Variants in UPK3A observed in about 807,000 individuals in gnomAD.
UPK3A encodes the protein uroplakin 3A.
Under a neutral mutation model 27.6 loss-of-function variants are expected in UPK3A, and 32 were observed. The observed-to-expected ratio is 1.16, with a 90% CI of 0.87 to 1.55. The LOEUF (loss-of-function observed/expected upper bound fraction) is 1.55, where lower values mean the gene tolerates loss of function less well. UPK3A is among the 40% of genes most tolerant of loss of function. The pLI, the probability that UPK3A is intolerant of heterozygous loss-of-function variation, is 0.00. For synonymous variants in UPK3A, 171 were observed against 163.9 expected (o/e 1.04, Z -0.33); for missense variants, 370 against 367.9 (o/e 1.01, Z -0.05).
At chr22:45,285,863 C>G (rs374976656) in intron 1 of UPK3A, 78 bp from the exon 2 acceptor site, 1 of 1,599,550 alleles carries the variant, frequency 6.3e-7, no homozygotes, top group East Asian at 2.2e-5. Context: ...GCACACAACA[C>G]GTGCTCAGTA....
intron 2 of UPK3A, 72 bp downstream of exon 2, chr22:45,286,168 C>T (rs1406907793): frequency 8.2e-6 from 13 of 1,586,752 alleles, no homozygotes; most frequent in Non-Finnish European, 7.7e-6. Flanking sequence ...GGGAAGGAGG[C>T]AGATAGAGGA....
Position 45,293,323 on chromosome 22 carries a change from T to G in UPK3A, c.704+10T>G. The G allele has an allele frequency of 6.2e-7, 1 of 1,613,670 alleles. No homozygotes were observed. Among genetic ancestry groups the G allele is most frequent in the Non-Finnish European group, 8.5e-7 (1 of 1,180,022 alleles). ...TTGCCCTCAGCCTCGTGTAAGTACC[T>G]GCCTGCTGGGAGGGCTGGACCCCAG... On this transcript the variant is annotated intron_variant, in intron 5 of 5. Coordinates refer to ENST00000216211, the MANE Select transcript of UPK3A (RefSeq NM_006953.4).
rs1208325059 is a variant in UPK3A at position 45,287,357 on chromosome 22, T to C, written c.394T>C (p.Tyr132His). 1.2e-6 allele frequency: 2 copies of C among 1,613,992 alleles called. No homozygotes were observed. The highest frequency in any genetic ancestry group is 1.7e-6 in the Non-Finnish European group (2 of 1,179,974). ...VSKASQILNA[Y>H]LVRVGANGTC... ...CAAGGCCTCACAGATCCTGAATGCC[T>C]ACCTGGTCAGGGTGGGTGCCAACGG... Residue 132 changes from tyrosine to histidine, a missense_variant, in exon 3 of 6, where the codon TAC (tyrosine) becomes CAC (histidine). Tyr to His is a moderately conservative substitution (Grantham distance 83). Transcript: ENST00000216211.
At position 45,287,124 on chromosome 22, in the gene UPK3A, G is replaced by A. The variant is rs368096731; in HGVS notation, c.209-48G>A. On this transcript the variant is annotated intron_variant, in intron 2 of 5. Transcript: ENST00000216211. ...TTTGATGAATAACTGAGTGAGTGTC[G>A]CTGAGCCGGAGTGGCCAGAAGCCTG... The A allele has an allele frequency of 4.2e-5, 68 of 1,611,646 alleles. No homozygotes were observed. In the Admixed American group the frequency reaches 9.0e-4, roughly 21 times the overall value.
Position 45,295,576 on chromosome 22 carries a change from G to C in UPK3A, c.721G>C (p.Asp241His). 6.2e-7 allele frequency: 1 copy of C among 1,614,100 alleles called. No individual in the cohort carries two copies. Among genetic ancestry groups the C allele is most frequent in the Non-Finnish European group, 8.5e-7 (1 of 1,180,030 alleles). The change falls in exon 6 of 6, where the codon GAT (aspartate) becomes CAT (histidine). Residue 241 changes from aspartate to histidine, a missense_variant. Physicochemically the swap from Asp to His is moderately conservative, Grantham distance 81. Coordinates refer to ENST00000216211, the MANE Select transcript of UPK3A (RefSeq NM_006953.4). Reference protein sequence around the residue: ...ALSLVDMGSSDGETTHDSQIT... With the variant: ...ALSLVDMGSSHGETTHDSQIT... ...CTTGGACAGGGACATGGGGAGTTCT[G>C]ATGGGGAAACGACTCACGACTCCCA...
At position 45,290,582 on chromosome 22, in the gene UPK3A, G is replaced by T. The variant is rs185034462; in HGVS notation, c.571+1439G>T. Reference sequence around the variant, plus strand: ...GAGTGTGAGAATGTGTGTGGTATGTGGTGTGTGGAGAGTATGTGAGGAGTG... The same window carrying T: ...GAGTGTGAGAATGTGTGTGGTATGTTGTGTGTGGAGAGTATGTGAGGAGTG... On this transcript the variant is annotated intron_variant, in intron 4 of 5. Transcript: ENST00000216211. 3.2e-3 allele frequency among the ~76,000 whole-genome samples: 487 copies of T among 152,142 alleles called. 1 individual carries two copies. Among genetic ancestry groups the T allele is most frequent in the Non-Finnish European group, 5.7e-3 (388 of 67,978 alleles).
chr22:45,291,458 TGTG>T (rs1023201855), intron 4 of UPK3A, among the ~76,000 whole-genome samples: 3 of 131,096 alleles, frequency 2.3e-5, no homozygotes, highest in Admixed American at 1.5e-4. Flanking sequence ...GTGTGGCAGG[TGTG>T]TGTGTGAGTT....
intron 4 of UPK3A, 59 bp from the exon 5 acceptor site, chr22:45,293,122 G>C: frequency 6.2e-7 from 1 of 1,606,672 alleles, no homozygotes; most frequent in East Asian, 2.2e-5. Context: ...GCCGCCTCCT[G>C]GGAGAAGGGT....
rs577390688 is a variant in UPK3A at position 45,289,277 on chromosome 22, C to T, written c.571+134C>T. On this transcript the variant is annotated intron_variant, in intron 4 of 5. Coordinates refer to ENST00000216211, the MANE Select transcript of UPK3A (RefSeq NM_006953.4). ...CCAGGCAGTGATGAGTAAAATGCTC[C>T]TTAAAGCTGTTGAGCCAGGCCAGGT... is the stretch of plus-strand genomic sequence containing the variant. 28 of 859,108 alleles carry T rather than the reference C, an allele frequency of 3.3e-5. No individual in the cohort carries two copies. In the East Asian group the frequency reaches 5.5e-4, roughly 17 times the overall value. The allele number at this position is 859,108 out of a possible 1,614,324, so 53.2% of individuals were successfully genotyped here.
rs747509958 is a variant in UPK3A at position 45,293,312 on chromosome 22, G to A, written c.703G>A (p.Val235Met). 17 of 1,613,660 alleles carry A rather than the reference G, an allele frequency of 1.1e-5. No individual in the cohort carries two copies. Among genetic ancestry groups the A allele is most frequent in the African/African-American group, 2.7e-5 (2 of 74,902 alleles). ...GFAGAIALSL[V>M]DMGSSDGETT... is the part of the protein sequence containing the mutation. Reference sequence around the variant, plus strand: ...TGCTGGCGCCATTGCCCTCAGCCTCGTGTAAGTACCTGCCTGCTGGGAGGG... The same window carrying A: ...TGCTGGCGCCATTGCCCTCAGCCTCATGTAAGTACCTGCCTGCTGGGAGGG... Residue 235 changes from valine (V) to methionine (M), a missense_variant and splice_region_variant, in exon 5 of 6, where the codon GTG (valine) becomes ATG (methionine). Transcript: ENST00000216211.
At chr22:45,288,873 TC>T (rs576172109) in intron 3 of UPK3A, among the ~76,000 whole-genome samples, 187 bp from the exon 4 acceptor site, 206 of 149,690 alleles carry the variant, frequency 1.4e-3, no homozygotes, top group African/African-American at 4.8e-3. Context: ...CTGGGGGGGG[TC>T]CTATTGGCCA....
At chr22:45,290,848 T>C (rs1473813493) in intron 4 of UPK3A, among the ~76,000 whole-genome samples, 2 of 152,140 alleles carry the variant, frequency 1.3e-5, no homozygotes, top group Admixed American at 6.5e-5. Flanking sequence ...AACCCTGTTG[T>C]GAACTGCGCA....
chr22:45,293,437 C>A, intron 5 of UPK3A, 124 bp downstream of exon 5: 1 of 1,295,764 alleles, frequency 7.7e-7, no homozygotes, highest in Non-Finnish European at 1.1e-6. Context: ...AAGCTACCCT[C>A]TGCCCCGCGG....
At chr22:45,288,323 G>A (rs931521089) in intron 3 of UPK3A, among the ~76,000 whole-genome samples, 3 of 151,858 alleles carry the variant, frequency 2.0e-5, no homozygotes, top group Non-Finnish European at 4.4e-5. Flanking sequence ...AGCCTCCTGA[G>A]TAGCTGGGAC....
At chr22:45,293,647 T>C (rs1021098305) in intron 5 of UPK3A, among the ~76,000 whole-genome samples, 3 of 152,260 alleles carry the variant, frequency 2.0e-5, no homozygotes, top group African/African-American at 7.2e-5. Flanking sequence ...AGTTTCCCCA[T>C]CTGGAAAATG....
At chr22:45,288,168 C>A (rs2084132871) in intron 3 of UPK3A, among the ~76,000 whole-genome samples, 1 of 151,820 alleles carries the variant, frequency 6.6e-6, no homozygotes, top group African/African-American at 2.4e-5. Flanking sequence ...GAAACCCTAC[C>A]AAAGCCTTGC....
chr22:45,287,428 CCT>C lies in UPK3A; in HGVS notation c.466_467del (p.Leu156ValfsTer85), dbSNP rs756608045. ...ACTTCCAGGGCCTCTGTAACGCACC[CCT>C]GTCGGCAGCCACGGAGTACAGGTGG... ...PNFQGLCNAP[L>X]SAATEYRFKY... On this transcript the variant is annotated frameshift_variant, in exon 3 of 6. Transcript: ENST00000216211. LOFTEE classifies it high-confidence loss of function. 7.7e-5 allele frequency: 124 copies of C among 1,603,382 alleles called. 2 individuals are homozygous for C. The East Asian group carries it at 2.0e-3, about 25-fold the overall frequency.
intron 5 of UPK3A, 33 bp from the exon 6 acceptor site, chr22:45,295,527 C>T (rs1327294269): frequency 6.2e-7 from 1 of 1,613,920 alleles, no homozygotes; most frequent in South Asian, 1.1e-5. Flanking sequence ...GCTCTGGTCC[C>T]CTAATCCTGG....
chr22:45,294,029 C>A (rs940115226), intron 5 of UPK3A, among the ~76,000 whole-genome samples: 1 of 152,068 alleles, frequency 6.6e-6, no homozygotes, highest in African/African-American at 2.4e-5. Context: ...GAAGACCAGG[C>A]AGGGGACAAA....
Sources: gnomAD v4.1 joint callset for allele counts (sites outside exome capture counted in the v4.1 genomes callset) on GRCh38, gnomAD v4.1.1 for gene constraint, MANE v1.5 for transcripts, NCBI Gene and HGNC (gene_info 2026-07-23, HGNC 2026-07-21) for gene names.